MIGA1: variants seen among roughly 807,000 people sequenced by gnomAD.
MIGA1 encodes the protein mitoguardin 1, also known as family with sequence similarity 73, member A.
A neutral mutation model predicts 82.0 loss-of-function variants in MIGA1; 58 were observed. The ratio of observed to expected loss-of-function variants is 0.71; its 90% CI spans 0.57 to 0.88. The LOEUF (loss-of-function observed/expected upper bound fraction) is 0.88. MIGA1 is among the 40% of genes least tolerant of loss of function. The pLI is 0.00. For synonymous variants in MIGA1, 249 were observed against 253.6 expected, an observed-to-expected ratio of 0.98 and a Z score of 0.17; for missense variants, 751 against 749.1, an observed-to-expected ratio of 1.00 and a Z score of -0.03.
At chr1:77,872,217 C>A (rs1055905629) in intron 14 of MIGA1, among the ~76,000 whole-genome samples, 1 of 151,992 alleles carries the variant, frequency 6.6e-6, no homozygotes, top group Non-Finnish European at 1.5e-5. Flanking sequence ...GATCCACCTG[C>A]CTTGGCCTCC....
At chr1:77,841,081 A>G (rs1425001136) in intron 7 of MIGA1, among the ~76,000 whole-genome samples, 1 of 152,164 alleles carries the variant, frequency 6.6e-6, no homozygotes, top group Non-Finnish European at 1.5e-5. Flanking sequence ...TTTGATAGCT[A>G]TTTATAAGTG....
At chr1:77,838,796 G>T (rs550203100) in intron 7 of MIGA1, among the ~76,000 whole-genome samples, 1 of 152,076 alleles carries the variant, frequency 6.6e-6, no homozygotes, top group Non-Finnish European at 1.5e-5. Context: ...GTTTAGTTTT[G>T]TCTGTTTTTG....
At chr1:77,837,372 A>G (rs1684471971) in intron 7 of MIGA1, among the ~76,000 whole-genome samples, 1 of 152,152 alleles carries the variant, frequency 6.6e-6, no homozygotes, top group South Asian at 2.1e-4. Flanking sequence ...ACTGTATTGG[A>G]CACCAGGGCT....
chr1:77,824,247 T>G (rs1213295467), intron 7 of MIGA1, among the ~76,000 whole-genome samples: 2 of 152,216 alleles, frequency 1.3e-5, no homozygotes, highest in African/African-American at 4.8e-5. Context: ...TCCTAAGCTG[T>G]GCTGTCATCT....
At chr1:77,796,759 C>T (rs558291741) in intron 2 of MIGA1, among the ~76,000 whole-genome samples, 2 of 152,218 alleles carry the variant, frequency 1.3e-5, no homozygotes, top group Admixed American at 1.3e-4. Flanking sequence ...TTACTTTTCA[C>T]AGCCTGTGAT....
chr1:77,825,425 T>A (rs1683993016), intron 7 of MIGA1, among the ~76,000 whole-genome samples: 1 of 152,248 alleles, frequency 6.6e-6, no homozygotes, highest in African/African-American at 2.4e-5. Flanking sequence ...GACCGTTTAG[T>A]GCTGAATGTG....
Position 77,807,029 on chromosome 1 carries a change from G to T in MIGA1, c.565G>T (p.Asp189Tyr). 1 of 1,609,796 alleles carries T rather than the reference G, an allele frequency of 6.2e-7. No homozygotes were observed. Among genetic ancestry groups the T allele is most frequent in the Non-Finnish European group, 8.5e-7 (1 of 1,176,358 alleles). The change falls in exon 5 of 16, where the codon GAC (aspartate) becomes TAC (tyrosine). Residue 189 changes from aspartate to tyrosine, a missense_variant. By Grantham distance (160) the Asp-to-Tyr change is radical. Coordinates refer to ENST00000370791, the MANE Select transcript of MIGA1 (RefSeq NM_198549.4). ...CGCTTGTGGCAATTCTAATTCCTGG[G>T]ACAAAGCAGATGAAGATGATATTAA... is the stretch of plus-strand genomic sequence containing the variant.
Position 77,820,638 on chromosome 1 carries a change from A to G in MIGA1, c.895+5407A>G, listed in dbSNP as rs369119136. Among the ~76,000 whole-genome samples the G allele has an allele frequency of 1.2e-4, 19 of 152,072 alleles. 2 individuals carry two copies. Among genetic ancestry groups the G allele is most frequent in the African/African-American group, 4.6e-4 (19 of 41,460 alleles). ...TTGTTGTTGTTGTTGTTCTTATTCTACCTTTCTGATCCTGTATTTGCCAAT... is the reference window on the plus strand; with the variant it reads ...TTGTTGTTGTTGTTGTTCTTATTCTGCCTTTCTGATCCTGTATTTGCCAAT... On this transcript the variant is annotated intron_variant, in intron 7 of 15. Coordinates refer to ENST00000370791, the MANE Select transcript of MIGA1 (RefSeq NM_198549.4).
intron 2 of MIGA1, among the ~76,000 whole-genome samples, chr1:77,796,819 A>G (rs1682675645): frequency 6.6e-6 from 1 of 151,918 alleles, no homozygotes; most frequent in Non-Finnish European, 1.5e-5. Context: ...TTTTTTTTCA[A>G]TTGACATGGA....
At chr1:77,858,666 T>C (rs1234159691) in intron 8 of MIGA1, among the ~76,000 whole-genome samples, 3 of 152,224 alleles carry the variant, frequency 2.0e-5, no homozygotes, top group African/African-American at 7.2e-5. Context: ...CCAGCTAGGC[T>C]GGAGTGCAGT....
chr1:77,783,050 G>A (rs1388833731), intron 1 of MIGA1, among the ~76,000 whole-genome samples, 188 bp from the exon 2 acceptor site: 1 of 151,414 alleles, frequency 6.6e-6, no homozygotes, highest in Non-Finnish European at 1.5e-5. Context: ...TCTCCTACAG[G>A]AAGGATAGCT....
chr1:77,804,754 C>CA (rs1439603914), intron 4 of MIGA1, among the ~76,000 whole-genome samples: 2 of 151,958 alleles, frequency 1.3e-5, no homozygotes, highest in African/African-American at 4.8e-5. Context: ...CTCAACCTCC[C>CA]AAGTAGCTGG....
intron 2 of MIGA1, among the ~76,000 whole-genome samples, chr1:77,792,515 A>G (rs546472508): frequency 6.6e-6 from 1 of 152,326 alleles, no homozygotes; most frequent in East Asian, 1.9e-4. Flanking sequence ...GACTTAGGAC[A>G]CAAAGTTTCT....
intron 1 of MIGA1, chr1:77,780,083 G>T (rs1274237269): frequency 7.7e-6 from 8 of 1,036,294 alleles, no homozygotes; most frequent in Non-Finnish European, 7.0e-6. Context: ...GGTCTGGACG[G>T]CCGAGCTGGA....
intron 7 of MIGA1, among the ~76,000 whole-genome samples, chr1:77,817,933 G>A (rs1334735016): frequency 1.3e-5 from 2 of 150,260 alleles, no homozygotes; most frequent in Non-Finnish European, 3.0e-5. Flanking sequence ...TTAAGAATCT[G>A]GTAGGATTTC....
At chr1:77,846,760 A>G (rs1684858764) in intron 8 of MIGA1, among the ~76,000 whole-genome samples, 1 of 151,996 alleles carries the variant, frequency 6.6e-6, no homozygotes, top group Admixed American at 6.5e-5. Flanking sequence ...ATCCTGGCTA[A>G]CATGGTGAAA....
At chr1:77,817,259 C>T (rs555190799) in intron 7 of MIGA1, among the ~76,000 whole-genome samples, 1 of 152,190 alleles carries the variant, frequency 6.6e-6, no homozygotes, top group East Asian at 1.9e-4. Context: ...GACAAGAATA[C>T]CTCTGGGCAT....
At chr1:77,819,420 A>G (rs1171854627) in intron 7 of MIGA1, among the ~76,000 whole-genome samples, 2 of 151,642 alleles carry the variant, frequency 1.3e-5, no homozygotes, top group Non-Finnish European at 2.9e-5. Flanking sequence ...AGTAGCTGGT[A>G]TTACAGGCAC....
intron 7 of MIGA1, among the ~76,000 whole-genome samples, chr1:77,826,243 A>C (rs1180489341): frequency 1.3e-5 from 2 of 152,192 alleles, no homozygotes; most frequent in African/African-American, 4.8e-5. Context: ...TTTGTATTTA[A>C]TGAAACAAGG....
Sources: allele counts gnomAD v4.1 joint callset (sites outside exome capture counted in the v4.1 genomes callset), GRCh38; gene constraint gnomAD v4.1.1; transcripts MANE v1.5; gene names NCBI Gene and HGNC (gene_info 2026-07-23, HGNC 2026-07-21).